Variants in RANBP2 observed in about 807,000 individuals in gnomAD.
The protein encoded by RANBP2 is RAN binding protein 2.
Under a neutral mutation model 303.6 loss-of-function variants are expected in RANBP2, and 57 were observed. The observed-to-expected ratio is 0.19, with a 90% CI of 0.15 to 0.23. The LOEUF is 0.23. Among genes scored for constraint, RANBP2 ranks in the 10% least tolerant of loss-of-function variants. The probability of loss-of-function intolerance (pLI) is 1.00; values close to 1 mark genes in which losing one functional copy is unlikely to be tolerated. For missense variants in RANBP2, 3,138 were observed against 3,780.8 expected (o/e 0.83, Z 4.46); for synonymous variants, 1,167 against 1,301.5 (o/e 0.90, Z 2.23).
At chr2:108,980,494 A>T in the RANBP2 span, among the ~76,000 whole-genome samples, 1 of 151,878 alleles carries the variant, frequency 6.6e-6, no homozygotes, top group African/African-American at 2.4e-5. Context: ...TATAATACTT[A>T]TGTGATATTA....
the RANBP2 span, chr2:109,124,454 G>T: frequency 1.3e-5 from 2 of 151,800 alleles, no homozygotes; most frequent in East Asian, 3.9e-4. Context: ...GATTACAGGC[G>T]TGAGCCACCG....
the RANBP2 span, among the ~76,000 whole-genome samples, chr2:108,904,076 T>C: frequency 6.6e-6 from 1 of 152,144 alleles, no homozygotes; most frequent in African/African-American, 2.4e-5. Context: ...ATCATAGGAC[T>C]AGTGTCTAGA....
At chr2:109,633,378 A>G in the RANBP2 span, among the ~76,000 whole-genome samples, 2 of 151,554 alleles carry the variant, frequency 1.3e-5, no homozygotes, top group African/African-American at 2.4e-5. Flanking sequence ...GGGTGACAGA[A>G]TGAGACTCCA....
the RANBP2 span, among the ~76,000 whole-genome samples, chr2:108,854,356 G>A: frequency 1.3e-5 from 2 of 151,542 alleles, no homozygotes; most frequent in African/African-American, 2.4e-5. Context: ...TTGAATCTTA[G>A]CTTCACTACT....
chr2:108,977,498 C>A, the RANBP2 span, among the ~76,000 whole-genome samples: 1 of 152,170 alleles, frequency 6.6e-6, no homozygotes, highest in Admixed American at 6.5e-5. Flanking sequence ...TCTCGATCTC[C>A]TGACCTCGTG....
the RANBP2 span, among the ~76,000 whole-genome samples, chr2:109,148,967 C>T: frequency 6.6e-6 from 1 of 152,164 alleles, no homozygotes; most frequent in East Asian, 1.9e-4. Context: ...CCCAGGCAAG[C>T]TTTGGGAATC....
At chr2:109,395,714 G>T in the RANBP2 span, among the ~76,000 whole-genome samples, 9 of 152,218 alleles carry the variant, frequency 5.9e-5, no homozygotes, top group Non-Finnish European at 8.8e-5. Flanking sequence ...TGGCCGCCCA[G>T]TGCTCAGTGA....
the RANBP2 span, among the ~76,000 whole-genome samples, chr2:109,066,979 C>T: frequency 2.6e-5 from 4 of 151,816 alleles, no homozygotes; most frequent in East Asian, 1.9e-4. Flanking sequence ...GCGCACAAGA[C>T]GCAGACAGAA....
the RANBP2 span, among the ~76,000 whole-genome samples, chr2:109,171,770 C>T: frequency 4.6e-5 from 7 of 152,240 alleles, no homozygotes; most frequent in East Asian, 1.9e-4. Flanking sequence ...GGCTCCCTGC[C>T]GTGCATCCCG....
Position 108,763,951 on chromosome 2 carries a change from G to A in RANBP2, c.3412G>A (p.Gly1138Arg). ...SDDMFTFHGPGKSVFGTPTLE... is the reference protein window; with the variant it reads ...SDDMFTFHGPRKSVFGTPTLE... ...TGATATGTTTACTTTCCATGGTCCA[G>A]GGAAATCAGTATTTGGAACACCCAC... The change falls in exon 20 of 29, where the codon GGG becomes AGG. Residue 1138 changes from glycine to arginine, a missense_variant. Transcript: ENST00000283195. The A allele has an allele frequency of 6.2e-7, 1 of 1,613,962 alleles. No individual in the cohort carries two copies. The highest frequency in any genetic ancestry group is 8.5e-7 in the Non-Finnish European group (1 of 1,179,974).
At chr2:109,447,744 G>A in the RANBP2 span, among the ~76,000 whole-genome samples, 2 of 152,192 alleles carry the variant, frequency 1.3e-5, no homozygotes, top group African/African-American at 4.8e-5. Context: ...AACACACATA[G>A]TAGCAGGATT....
the RANBP2 span, among the ~76,000 whole-genome samples, chr2:109,498,188 G>C: frequency 6.6e-6 from 1 of 152,094 alleles, no homozygotes; most frequent in African/African-American, 2.4e-5. Context: ...AGCAGAGTCT[G>C]GTTCGCCGGC....
chr2:109,291,958 A>G, the RANBP2 span, among the ~76,000 whole-genome samples: 7 of 152,170 alleles, frequency 4.6e-5, no homozygotes, highest in Non-Finnish European at 1.5e-5. Flanking sequence ...CTGCCTCTCA[A>G]GTTCACGCCA....
At chr2:109,486,064 C>T in the RANBP2 span, among the ~76,000 whole-genome samples, 1 of 152,232 alleles carries the variant, frequency 6.6e-6, no homozygotes, top group African/African-American at 2.4e-5. Context: ...CATGTGTGTC[C>T]CTGGCTGGGG....
At chr2:108,738,292 G>A (rs1431896915) in intron 6 of RANBP2, among the ~76,000 whole-genome samples, 1 of 151,448 alleles carries the variant, frequency 6.6e-6, no homozygotes, top group Non-Finnish European at 1.5e-5. Flanking sequence ...AGCCAGGATG[G>A]TCTTGATCTC....
the RANBP2 span, among the ~76,000 whole-genome samples, chr2:108,907,630 A>G: frequency 2.7e-5 from 4 of 150,004 alleles, no homozygotes; most frequent in African/African-American, 9.9e-5. Context: ...GCTGGGTGAC[A>G]GAGCAAGACT....
the RANBP2 span, among the ~76,000 whole-genome samples, chr2:108,916,855 G>A: frequency 6.6e-5 from 10 of 152,152 alleles, no homozygotes; most frequent in African/African-American, 2.2e-4. Context: ...GGCCACTAGA[G>A]CATCTGCAGG....
the RANBP2 span, among the ~76,000 whole-genome samples, chr2:108,813,247 T>TAAA: frequency 8.6e-3 from 39 of 4,528 alleles, 1 homozygote; most frequent in Non-Finnish European, 8.2e-3. Context: ...AGACTCCGTC[T>TAAA]CAAAAAAAAA....
the RANBP2 span, among the ~76,000 whole-genome samples, chr2:109,363,761 G>GTC: frequency 1.3e-5 from 2 of 152,062 alleles, no homozygotes; most frequent in South Asian, 4.1e-4. Context: ...GGTTTTTTCT[G>GTC]TCAACACCTT....
Sources: gnomAD v4.1 joint callset for allele counts (sites outside exome capture counted in the v4.1 genomes callset) on GRCh38, gnomAD v4.1.1 for gene constraint, MANE v1.5 for transcripts, NCBI Gene and HGNC (gene_info 2026-07-23, HGNC 2026-07-21) for gene names.